CHMP7: variants seen among roughly 807,000 people sequenced by gnomAD.
CHMP7 encodes CHMP family, member 7.
CHMP7 carries 15 observed loss-of-function variants against 53.7 expected under a neutral mutation model. That is an observed-to-expected ratio of 0.28 (90% CI 0.19 to 0.43). CHMP7 has a LOEUF of 0.43. Among genes scored for constraint, CHMP7 ranks in the 20% least tolerant of loss-of-function variants. The pLI, the probability that CHMP7 is intolerant of heterozygous loss-of-function variation, is 1.00. For missense variants in CHMP7, 527 were observed against 569.4 expected (o/e 0.93, Z 0.76); for synonymous variants, 261 against 228.0 (o/e 1.14, Z -1.30).
chr8:23,261,745 G>A lies in CHMP7; in HGVS notation c.*1146G>A, dbSNP rs1404771867. The A allele has an allele frequency of 6.6e-6, 1 of 152,668 alleles. No individual in the cohort carries two copies. Among genetic ancestry groups the A allele is most frequent in the African/African-American group, 2.4e-5 (1 of 41,448 alleles). The allele number at this position is 152,668 out of a possible 1,614,324, so 9.5% of individuals were successfully genotyped here. A position where few individuals can be genotyped will look rare whatever the true frequency, so the allele number is the denominator to read the frequency against. ...CTGAATGCTCTGGCAATGGCGAGAA[G>A]AAGCGATCGCCACACTGCCACTCTG... On this transcript the variant is annotated 3_prime_UTR_variant, in exon 11 of 11. Transcript: ENST00000397677.
At position 23,260,636 on chromosome 8, in the gene CHMP7, C is replaced by G; in HGVS notation, c.*37C>G. 6.6e-7 allele frequency: 1 copy of G among 1,513,392 alleles called. No individual in the cohort carries two copies. The highest frequency in any genetic ancestry group is 9.2e-7 in the Non-Finnish European group (1 of 1,087,862). 93.7% of individuals were successfully genotyped at this position (1,513,392 alleles called of 1,614,324 possible). A position where few individuals can be genotyped will look rare whatever the true frequency, so the allele number is the denominator to read the frequency against. On this transcript the variant is annotated 3_prime_UTR_variant, in exon 11 of 11. Coordinates refer to ENST00000397677, the MANE Select transcript of CHMP7 (RefSeq NM_152272.5). The stretch of plus-strand genomic sequence containing the variant: ...GAAGGACCCTCATGTAAAAGAGAGA[C>G]CAGGCTTGCTGGGTGTGTACATAGT...
chr8:23,254,986 A>G, intron 3 of CHMP7: 1 of 505,716 alleles, frequency 2.0e-6, no homozygotes, highest in Non-Finnish European at 3.6e-6. Context: ...GCAGGAGTGT[A>G]AAATCCCCGA....
Position 23,256,487 on chromosome 8 carries a change from G to T in CHMP7, c.685G>T (p.Ala229Ser), listed in dbSNP as rs1406813329. The change falls in exon 5 of 11, where the codon GCC (alanine) becomes TCC (serine). Residue 229 changes from alanine (A) to serine (S), a missense_variant. Ala to Ser is a moderately conservative substitution (Grantham distance 99). Coordinates refer to ENST00000397677, the MANE Select transcript of CHMP7 (RefSeq NM_152272.5). ...KIVKFARGPRAKVSPVNDVDV... is the reference protein window; with the variant it reads ...KIVKFARGPRSKVSPVNDVDV... ...TGTGAAGTTTGCCCGAGGGCCACGT[G>T]CCAAGGTCTCTCCAGTCAATGACGT... The T allele has an allele frequency of 6.2e-7, 1 of 1,607,330 alleles. No individual in the cohort carries two copies. Among genetic ancestry groups the T allele is most frequent in the Non-Finnish European group, 8.5e-7 (1 of 1,173,784 alleles).
At chr8:23,245,976 C>T (rs1267170031) in intron 1 of CHMP7, 1 of 152,064 alleles carries the variant, frequency 6.6e-6, no homozygotes, top group Non-Finnish European at 1.5e-5. Context: ...TATTTCATTT[C>T]TGATATTGAG....
chr8:23,249,866 G>A (rs138399613), intron 3 of CHMP7, among the ~76,000 whole-genome samples: 2 of 152,216 alleles, frequency 1.3e-5, no homozygotes, highest in Admixed American at 6.5e-5. Context: ...CCATGGTCCC[G>A]TCCTAGCCTC....
chr8:23,247,037 G>C, intron 2 of CHMP7, 43 bp downstream of exon 2: 1 of 1,460,984 alleles, frequency 6.8e-7, no homozygotes, highest in Non-Finnish European at 9.0e-7. Flanking sequence ...GCGGGCGGGG[G>C]CAGCTCTCGG....
In CHMP7 at chr8:23,260,454, T is replaced by G; in HGVS notation, c.1301-84T>G. ...GTAGGGAGTTGAGGGTTGTTTATAT[T>G]AAGACTCAGTCTCTTAATCACTGGA... On this transcript the variant is annotated intron_variant, in intron 10 of 10. Transcript: ENST00000397677. The G allele has an allele frequency of 2.0e-5, 30 of 1,509,142 alleles. 1 individual carries two copies. The highest frequency in any genetic ancestry group is 2.6e-5 in the Non-Finnish European group (28 of 1,084,616). 93.5% of individuals were successfully genotyped at this position (1,509,142 alleles called of 1,614,324 possible). A position where few individuals can be genotyped will look rare whatever the true frequency, so the allele number is the denominator to read the frequency against.
At position 23,249,175 on chromosome 8, in the gene CHMP7, G is replaced by A; in HGVS notation, c.300-35G>A. On this transcript the variant is annotated intron_variant, in intron 2 of 10. Transcript: ENST00000397677. ...AGACTGGAATGGGACATTGCATTAA[G>A]TGCTACTACACGCCCTTCTTTTTCT... is the stretch of plus-strand genomic sequence containing the variant. 2.0e-6 allele frequency: 3 copies of A among 1,526,192 alleles called. No homozygotes were observed. In the African/African-American group the frequency reaches 4.2e-5, roughly 21 times the overall value. The allele number at this position is 1,526,192 out of a possible 1,614,324, so 94.5% of individuals were successfully genotyped here. A position where few individuals can be genotyped will look rare whatever the true frequency, so the allele number is the denominator to read the frequency against.
chr8:23,256,694 T>G lies in CHMP7; in HGVS notation c.791+101T>G, dbSNP rs995133986. On this transcript the variant is annotated intron_variant, in intron 5 of 10. Coordinates refer to ENST00000397677, the MANE Select transcript of CHMP7 (RefSeq NM_152272.5). Reference sequence around the variant, plus strand: ...GGGCTTTTAAAAAATAGGTGGGTTTTTTTTTTTTTTAGCTAATTACAAAAG... The same window carrying G: ...GGGCTTTTAAAAAATAGGTGGGTTTGTTTTTTTTTTAGCTAATTACAAAAG... The G allele has an allele frequency of 1.2e-5, 11 of 913,696 alleles. No individual in the cohort carries two copies. The Admixed American group carries it at 1.8e-4, about 15-fold the overall frequency. 56.6% of individuals were successfully genotyped at this position (913,696 alleles called of 1,614,324 possible). A position where few individuals can be genotyped will look rare whatever the true frequency, so the allele number is the denominator to read the frequency against.
intron 1 of CHMP7, 30 bp from the exon 2 acceptor site, chr8:23,246,226 A>G (rs1801676289): frequency 6.5e-6 from 1 of 154,516 alleles, no homozygotes; most frequent in Admixed American, 6.5e-5. Flanking sequence ...TGGTTTGTGC[A>G]TTCATTGATA....
At position 23,258,093 on chromosome 8, in the gene CHMP7, T is replaced by A; in HGVS notation, c.840+12T>A. 1 of 1,610,108 alleles carries A rather than the reference T, an allele frequency of 6.2e-7. No homozygotes were observed. The highest frequency in any genetic ancestry group is 8.5e-7 in the Non-Finnish European group (1 of 1,176,686). On this transcript the variant is annotated intron_variant, in intron 6 of 10. Coordinates refer to ENST00000397677, the MANE Select transcript of CHMP7 (RefSeq NM_152272.5). ...GAAAGAAGCAGCTGGTGAGTTCTTG[T>A]CTCCTCCAGACCCATAGCAGTGCCC...
rs1481132696 is a variant in CHMP7 at position 23,260,832 on chromosome 8, C to T, written c.*233C>T. The T allele has an allele frequency of 1.2e-5, 7 of 589,220 alleles. No individual in the cohort carries two copies. The highest frequency in any genetic ancestry group is 5.6e-5 in the African/African-American group (3 of 53,636). 36.5% of individuals were successfully genotyped at this position (589,220 alleles called of 1,614,324 possible). A position where few individuals can be genotyped will look rare whatever the true frequency, so the allele number is the denominator to read the frequency against. ...CTGCCTTCTCATCTTTATAGTGCCA[C>T]GATTTATACAGTCCTGTGTCTGACC... On this transcript the variant is annotated 3_prime_UTR_variant, in exon 11 of 11. Coordinates refer to ENST00000397677, the MANE Select transcript of CHMP7 (RefSeq NM_152272.5).
chr8:23,249,510 TA>T (rs1801838310), intron 3 of CHMP7, 129 bp downstream of exon 3: 1 of 657,142 alleles, frequency 1.5e-6, no homozygotes, highest in Non-Finnish European at 2.5e-6. Flanking sequence ...TAACTGAGTT[TA>T]TCTGCTCTCC....
At chr8:23,248,766 C>T (rs955632194) in intron 2 of CHMP7, among the ~76,000 whole-genome samples, 3 of 152,232 alleles carry the variant, frequency 2.0e-5, no homozygotes, top group Non-Finnish European at 4.4e-5. Context: ...AGCAAGAAGT[C>T]CTTCTCTGTA....
At chr8:23,255,126 G>T in intron 3 of CHMP7, 121 bp from the exon 4 acceptor site, 1 of 957,982 alleles carries the variant, frequency 1.0e-6, no homozygotes, top group Non-Finnish European at 1.6e-6. Context: ...CTTTGGGGAG[G>T]ATGGGGTTGG....
At chr8:23,249,597 C>A (rs545147876) in intron 3 of CHMP7, among the ~76,000 whole-genome samples, 1 of 152,186 alleles carries the variant, frequency 6.6e-6, no homozygotes, top group Non-Finnish European at 1.5e-5. Context: ...TCGGAATTTT[C>A]AGTTAACAGT....
At chr8:23,258,947 GC>G (rs1327821632) in intron 8 of CHMP7, 117 bp downstream of exon 8, 3 of 1,057,892 alleles carry the variant, frequency 2.8e-6, no homozygotes, top group Non-Finnish European at 4.5e-6. Flanking sequence ...ACTTGAGGAA[GC>G]TTTCCTTGAT....
At chr8:23,253,749 C>G (rs1273777278) in intron 3 of CHMP7, among the ~76,000 whole-genome samples, 3 of 152,184 alleles carry the variant, frequency 2.0e-5, no homozygotes, top group Non-Finnish European at 2.9e-5. Context: ...AACCCTATAT[C>G]CAGTTACCAG....
In CHMP7 at chr8:23,246,658, A is replaced by C; in HGVS notation, c.-38A>C. 6.5e-7 allele frequency: 1 copy of C among 1,529,166 alleles called. No homozygotes were observed. Among genetic ancestry groups the C allele is most frequent in the South Asian group, 1.2e-5 (1 of 82,718 alleles). 94.7% of individuals were successfully genotyped at this position (1,529,166 alleles called of 1,614,324 possible). A position where few individuals can be genotyped will look rare whatever the true frequency, so the allele number is the denominator to read the frequency against. Reference sequence around the variant, plus strand: ...ACGAGGGCGGAAGCGGACCAGGGCCAGGCTTGTGTTCGCAGCCTTGCCGGG... The same window carrying C: ...ACGAGGGCGGAAGCGGACCAGGGCCCGGCTTGTGTTCGCAGCCTTGCCGGG... On this transcript the variant is annotated 5_prime_UTR_variant, in exon 2 of 11. Coordinates refer to ENST00000397677, the MANE Select transcript of CHMP7 (RefSeq NM_152272.5).
Sources: allele counts gnomAD v4.1 joint callset (sites outside exome capture counted in the v4.1 genomes callset), GRCh38; gene constraint gnomAD v4.1.1; transcripts MANE v1.5; gene names NCBI Gene and HGNC (gene_info 2026-07-23, HGNC 2026-07-21).